The following KIAA1328 variants were observed in gnomAD, a reference collection of about 807,000 sequenced individuals.
The protein encoded by KIAA1328 is protein hinderin.
Under a neutral mutation model 68.1 loss-of-function variants are expected in KIAA1328, and 52 were observed. That is an observed-to-expected ratio of 0.76 (90% confidence interval 0.61 to 0.96). The LOEUF is 0.96. Ranked by LOEUF, KIAA1328 falls within the 40% of genes least tolerant of loss-of-function variation. KIAA1328 has a pLI of 0.00. For synonymous variants in KIAA1328, 232 were observed against 239.4 expected (o/e 0.97, Z 0.28); for missense variants, 641 against 677.6 (o/e 0.95, Z 0.60).
At chr18:36,965,001 C>T (rs1361539926) in intron 6 of KIAA1328, among the ~76,000 whole-genome samples, 3 of 151,818 alleles carry the variant, frequency 2.0e-5, no homozygotes, top group Non-Finnish European at 2.9e-5. Context: ...GTCGTATTTC[C>T]TCAGTACTGT....
At chr18:37,124,844 T>C (rs1193073545) in intron 7 of KIAA1328, among the ~76,000 whole-genome samples, 1 of 152,210 alleles carries the variant, frequency 6.6e-6, no homozygotes, top group African/African-American at 2.4e-5. Context: ...CATTCTTACA[T>C]GACTGGCTTC....
chr18:36,835,508 G>T, intron 3 of KIAA1328, 132 bp downstream of exon 3: 1 of 930,304 alleles, frequency 1.1e-6, no homozygotes, highest in South Asian at 2.0e-5. Context: ...GAGGATTCCA[G>T]GATCCTTTGA....
At chr18:37,196,592 T>C (rs980402948) in intron 9 of KIAA1328, among the ~76,000 whole-genome samples, 2 of 152,168 alleles carry the variant, frequency 1.3e-5, no homozygotes, top group African/African-American at 4.8e-5. Context: ...TCACATTTAT[T>C]GAATCAAGTA....
chr18:37,120,181 A>T (rs962963401), intron 7 of KIAA1328, among the ~76,000 whole-genome samples: 6 of 147,288 alleles, frequency 4.1e-5, no homozygotes, highest in African/African-American at 1.5e-4. Flanking sequence ...AGCATAGATT[A>T]AAAAAAAATT....
intron 6 of KIAA1328, among the ~76,000 whole-genome samples, chr18:37,027,482 A>T (rs1008190006): frequency 6.6e-6 from 1 of 152,244 alleles, no homozygotes; most frequent in East Asian, 1.9e-4. Flanking sequence ...ACAAGGCTAC[A>T]GTAACCAAAA....
At chr18:36,962,960 A>G (rs1440969069) in intron 6 of KIAA1328, among the ~76,000 whole-genome samples, 1 of 152,220 alleles carries the variant, frequency 6.6e-6, no homozygotes, top group Non-Finnish European at 1.5e-5. Context: ...GCAAGAAATA[A>G]CTAAGATCAG....
chr18:36,856,687 A>G (rs1454924772), intron 4 of KIAA1328, among the ~76,000 whole-genome samples: 3 of 152,134 alleles, frequency 2.0e-5, no homozygotes, highest in Non-Finnish European at 2.9e-5. Context: ...GTAGCTTTCT[A>G]TTAACTTCTT....
chr18:36,892,895 G>A (rs1472910343), intron 5 of KIAA1328, among the ~76,000 whole-genome samples: 2 of 152,030 alleles, frequency 1.3e-5, no homozygotes, highest in Non-Finnish European at 2.9e-5. Flanking sequence ...GCTAACCACA[G>A]GGAGAAATTG....
intron 7 of KIAA1328, among the ~76,000 whole-genome samples, chr18:37,077,509 AG>A (rs1314767533): frequency 4.4e-4 from 66 of 150,826 alleles, no homozygotes; most frequent in African/African-American, 1.5e-3. Flanking sequence ...AAGGAAATAA[AG>A]GGTATTCAAT....
intron 7 of KIAA1328, among the ~76,000 whole-genome samples, chr18:37,092,718 C>G (rs1255680710): frequency 1.3e-5 from 2 of 152,154 alleles, no homozygotes; most frequent in Non-Finnish European, 2.9e-5. Flanking sequence ...CTGGCCTGCT[C>G]AGCCCATCAC....
At chr18:37,119,707 A>G (rs774863476) in intron 7 of KIAA1328, among the ~76,000 whole-genome samples, 2 of 151,984 alleles carry the variant, frequency 1.3e-5, no homozygotes, top group Non-Finnish European at 2.9e-5. Context: ...TTTAGTCCAT[A>G]GTGTGTGTTT....
chr18:37,231,072 TATC>T (rs1350202654), downstream of KIAA1328: 1 of 152,244 alleles, frequency 6.6e-6, no homozygotes, highest in African/African-American at 2.4e-5. Context: ...CTTGCTCAGT[TATC>T]ATCACTTCCA....
chr18:37,064,564 T>A (rs1485760631), intron 6 of KIAA1328, among the ~76,000 whole-genome samples: 3 of 142,532 alleles, frequency 2.1e-5, no homozygotes, highest in African/African-American at 7.7e-5. Flanking sequence ...GACCATGTCT[T>A]AATTCCCGAA....
At chr18:36,939,369 G>T (rs2050622782) in intron 5 of KIAA1328, among the ~76,000 whole-genome samples, 2 of 151,980 alleles carry the variant, frequency 1.3e-5, no homozygotes, top group South Asian at 2.1e-4. Context: ...GAATAAGACT[G>T]GTTTCTTATT....
chr18:36,854,030 T>G (rs982884747), intron 4 of KIAA1328, among the ~76,000 whole-genome samples: 2 of 152,148 alleles, frequency 1.3e-5, no homozygotes, highest in South Asian at 4.1e-4. Flanking sequence ...CCTCAGTATC[T>G]CAGAAGGTGA....
At chr18:36,987,424 A>G (rs1461656675) in intron 6 of KIAA1328, among the ~76,000 whole-genome samples, 2 of 147,440 alleles carry the variant, frequency 1.4e-5, no homozygotes, top group Non-Finnish European at 3.0e-5. Context: ...AGCATGGCAC[A>G]TGTATACATA....
chr18:37,122,901 A>T (rs887501871), intron 7 of KIAA1328, among the ~76,000 whole-genome samples: 4 of 152,154 alleles, frequency 2.6e-5, no homozygotes, highest in East Asian at 1.9e-4. Flanking sequence ...AGCTGATTTT[A>T]AAAATAATGA....
chr18:37,124,552 A>C (rs2058347418), intron 7 of KIAA1328, among the ~76,000 whole-genome samples: 1 of 152,166 alleles, frequency 6.6e-6, no homozygotes, highest in African/African-American at 2.4e-5. Flanking sequence ...TAAAATGTGC[A>C]TCACGGTCAT....
chr18:37,062,260 A>C (rs2056175547), intron 6 of KIAA1328, among the ~76,000 whole-genome samples: 1 of 151,072 alleles, frequency 6.6e-6, no homozygotes, highest in South Asian at 2.1e-4. Flanking sequence ...GTAACTGAAC[A>C]TGGCCTTTGG....
Sources: gnomAD v4.1 joint callset for allele counts (sites outside exome capture counted in the v4.1 genomes callset) on GRCh38, gnomAD v4.1.1 for gene constraint, MANE v1.5 for transcripts, NCBI Gene and HGNC (gene_info 2026-07-23, HGNC 2026-07-21) for gene names.